The following ANO6 variants were observed in gnomAD, a reference collection of about 807,000 sequenced individuals.
The protein encoded by ANO6 is anoctamin-6.
A neutral mutation model predicts 117.5 loss-of-function variants in ANO6; 106 were observed. The observed-to-expected ratio is 0.90, with a 90% CI of 0.77 to 1.06. ANO6 has a LOEUF of 1.06. Among genes scored for constraint, ANO6 ranks in the 50% least tolerant of loss-of-function variants. The pLI is 0.00. For synonymous variants in ANO6, 367 were observed against 385.1 expected, an observed-to-expected ratio of 0.95 and a Z score of 0.55; for missense variants, 955 against 1,121.1, an observed-to-expected ratio of 0.85 and a Z score of 2.12.
chr12:45,283,524 A>G (rs1445732597), intron 1 of ANO6, among the ~76,000 whole-genome samples: 1 of 152,248 alleles, frequency 6.6e-6, no homozygotes, highest in Non-Finnish European at 1.5e-5. Flanking sequence ...GAGTGCCACA[A>G]ACATTTATTG....
intron 7 of ANO6, among the ~76,000 whole-genome samples, chr12:45,355,306 A>G (rs1941381701): frequency 6.6e-6 from 1 of 152,120 alleles, no homozygotes; most frequent in African/African-American, 2.4e-5. Flanking sequence ...TAAGAGACAG[A>G]TTTCCTTTTG....
Position 45,429,843 on chromosome 12 carries a change from C to T in ANO6, c.*532C>T. 1.0e-6 allele frequency: 1 copy of T among 989,674 alleles called. No homozygotes were observed. Among genetic ancestry groups the T allele is most frequent in the Non-Finnish European group, 1.2e-6 (1 of 832,484 alleles). 61.3% of individuals were successfully genotyped at this position (989,674 alleles called of 1,614,324 possible). ...ATATTTAGGTGTATTTTCAATACCTCCAGAAAGGAAACCTCAGTTAATCAG... is the reference window on the plus strand; with the variant it reads ...ATATTTAGGTGTATTTTCAATACCTTCAGAAAGGAAACCTCAGTTAATCAG... On this transcript the variant is annotated 3_prime_UTR_variant, in exon 20 of 20. Coordinates refer to ENST00000320560, the MANE Select transcript of ANO6 (RefSeq NM_001025356.3).
chr12:45,308,423 G>C (rs1357899940), intron 2 of ANO6, among the ~76,000 whole-genome samples: 1 of 152,026 alleles, frequency 6.6e-6, no homozygotes, highest in South Asian at 2.1e-4. Flanking sequence ...CCAGTGAAAT[G>C]GAAAGCAAGG....
chr12:45,254,358 G>C (rs576382295), intron 1 of ANO6, among the ~76,000 whole-genome samples: 1 of 152,328 alleles, frequency 6.6e-6, no homozygotes, highest in South Asian at 2.1e-4. Context: ...GGGGAGAGGA[G>C]GATGGGGATG....
intron 1 of ANO6, among the ~76,000 whole-genome samples, chr12:45,225,267 T>A (rs1947464594): frequency 1.3e-5 from 2 of 152,180 alleles, no homozygotes; most frequent in African/African-American, 4.8e-5. Flanking sequence ...AGCAGATGAT[T>A]AAAATGATTG....
chr12:45,301,972 C>T (rs1432298767), intron 1 of ANO6, 42 bp from the exon 2 acceptor site: 2 of 1,543,316 alleles, frequency 1.3e-6, no homozygotes, highest in Non-Finnish European at 1.8e-6. Context: ...TGAGCCAGTG[C>T]AGGTTCATGC....
At chr12:45,422,924 T>G in intron 18 of ANO6, 33 bp from the exon 19 acceptor site, 1 of 1,484,370 alleles carries the variant, frequency 6.7e-7, no homozygotes. Flanking sequence ...TCAAAAAGAT[T>G]TGTCTCCCAA....
intron 1 of ANO6, among the ~76,000 whole-genome samples, chr12:45,263,005 G>A (rs180840420): frequency 5.9e-4 from 90 of 152,188 alleles, no homozygotes; most frequent in African/African-American, 2.0e-3. Context: ...GGATCATGTA[G>A]GAGGGGAACT....
chr12:45,344,072 G>T (rs919970594), intron 3 of ANO6, among the ~76,000 whole-genome samples: 1 of 152,102 alleles, frequency 6.6e-6, no homozygotes, highest in Non-Finnish European at 1.5e-5. Context: ...AGTTTAAAAT[G>T]GGTGTCCATA....
chr12:45,226,842 T>C (rs1013643119), intron 1 of ANO6, among the ~76,000 whole-genome samples: 12 of 151,700 alleles, frequency 7.9e-5, no homozygotes, highest in African/African-American at 2.9e-4. Flanking sequence ...TCCTTAACAT[T>C]ATTTAAAAAT....
chr12:45,417,512 T>TA (rs540522270), intron 17 of ANO6, among the ~76,000 whole-genome samples: 240 of 152,300 alleles, frequency 1.6e-3, no homozygotes, highest in African/African-American at 5.3e-3. Flanking sequence ...TCATGCCCTG[T>TA]ATGTATCCCA....
In ANO6 at chr12:45,267,958, ACTCT is replaced by A. The variant is rs572466016; in HGVS notation, c.71-34050_71-34047del. Among the ~76,000 whole-genome samples the A allele has an allele frequency of 2.5e-3, 374 of 152,202 alleles. 1 individual carries two copies. The highest frequency in any genetic ancestry group is 3.6e-3 in the Non-Finnish European group (243 of 68,006). On this transcript the variant is annotated intron_variant, in intron 1 of 19. Coordinates refer to ENST00000320560, the MANE Select transcript of ANO6 (RefSeq NM_001025356.3). ...TATTGAAGGGTATAAAAGAAAAATAACTCTCTCTCCCAACCCTCTCCTATTTTAG... is the reference window on the plus strand; with the variant it reads ...TATTGAAGGGTATAAAAGAAAAATAACTCTCCCAACCCTCTCCTATTTTAG...
At chr12:45,398,633 A>G (rs1454523237) in intron 12 of ANO6, among the ~76,000 whole-genome samples, 1 of 152,216 alleles carries the variant, frequency 6.6e-6, no homozygotes, top group African/African-American at 2.4e-5. Flanking sequence ...ACATAAACAT[A>G]TATATCAACC....
chr12:45,318,881 A>G (rs1038002967), intron 2 of ANO6, among the ~76,000 whole-genome samples: 16 of 152,118 alleles, frequency 1.1e-4, no homozygotes, highest in African/African-American at 3.1e-4. Context: ...CTTTGAAGCA[A>G]TTGTGAATGG....
chr12:45,329,899 A>G (rs1171031181), intron 2 of ANO6, among the ~76,000 whole-genome samples: 1 of 152,108 alleles, frequency 6.6e-6, no homozygotes, highest in Non-Finnish European at 1.5e-5. Flanking sequence ...ATGGCTCAGC[A>G]TTTTCATATA....
At chr12:45,364,776 C>T (rs1941641881) in intron 8 of ANO6, among the ~76,000 whole-genome samples, 1 of 152,166 alleles carries the variant, frequency 6.6e-6, no homozygotes, top group Non-Finnish European at 1.5e-5. Flanking sequence ...ATCTGGGTGT[C>T]CTCAGGGACA....
rs537650904 is a variant in ANO6, at chr12:45,345,070, G to A, written c.280-1952G>A. 4.6e-5 allele frequency among the ~76,000 whole-genome samples: 7 copies of A among 152,266 alleles called. No individual in the cohort carries two copies. The South Asian group carries it at 1.5e-3, about 32-fold the overall frequency. On this transcript the variant is annotated intron_variant, in intron 3 of 19. Coordinates refer to ENST00000320560, the MANE Select transcript of ANO6 (RefSeq NM_001025356.3). ...TGTGTTTAGGGAAGTTATACCACTT[G>A]CTGGTTTCCTCTGCTACTCTATTGT... is the stretch of plus-strand genomic sequence containing the variant.
chr12:45,379,820 T>G (rs780678840), intron 10 of ANO6, among the ~76,000 whole-genome samples: 6 of 152,256 alleles, frequency 3.9e-5, no homozygotes, highest in Non-Finnish European at 7.3e-5. Context: ...GCTGATTTTA[T>G]CTGATTTTTG....
chr12:45,407,408 C>A (rs1354670426), intron 15 of ANO6, among the ~76,000 whole-genome samples: 3 of 145,876 alleles, frequency 2.1e-5, no homozygotes, highest in Non-Finnish European at 4.5e-5. Context: ...CAAATAGAAA[C>A]CACACCCAGT....
Sources: gnomAD v4.1 joint callset for allele counts (sites outside exome capture counted in the v4.1 genomes callset) on GRCh38, gnomAD v4.1.1 for gene constraint, MANE v1.5 for transcripts, NCBI Gene and HGNC (gene_info 2026-07-23, HGNC 2026-07-21) for gene names.